The following BMP6 variants were observed in gnomAD, a reference collection of about 807,000 sequenced individuals.
The protein encoded by BMP6 is VG-1-R.
Under a neutral mutation model 54.1 loss-of-function variants are expected in BMP6, and 17 were observed. The observed-to-expected ratio is 0.31, with a 90% CI of 0.22 to 0.47. The LOEUF (loss-of-function observed/expected upper bound fraction) is 0.47. Ranked by LOEUF, BMP6 falls within the 20% of genes least tolerant of loss-of-function variation. The pLI is 1.00. For missense variants in BMP6, 720 were observed against 690.4 expected (o/e 1.04, Z -0.48); for synonymous variants, 328 against 291.2 (o/e 1.13, Z -1.28).
intron 1 of BMP6, among the ~76,000 whole-genome samples, chr6:7,840,728 C>G (rs761655788): frequency 6.6e-6 from 1 of 151,994 alleles, no homozygotes; most frequent in Admixed American, 6.6e-5. Flanking sequence ...TTAACAATGG[C>G]AAGCAGAAGA....
intron 4 of BMP6, among the ~76,000 whole-genome samples, chr6:7,878,531 G>C (rs1395380569): frequency 1.3e-5 from 2 of 152,228 alleles, no homozygotes; most frequent in Non-Finnish European, 2.9e-5. Context: ...TACAGCCAGA[G>C]AGAGCATTGC....
chr6:7,822,167 T>C (rs779243494), intron 1 of BMP6, among the ~76,000 whole-genome samples: 4 of 152,046 alleles, frequency 2.6e-5, no homozygotes, highest in Non-Finnish European at 5.9e-5. Context: ...GTTACAGTCA[T>C]GCGCCAGCAT....
intron 1 of BMP6, among the ~76,000 whole-genome samples, chr6:7,769,775 T>C (rs954359500): frequency 6.6e-6 from 1 of 152,252 alleles, no homozygotes; most frequent in African/African-American, 2.4e-5. Context: ...TCTTGAATTT[T>C]TGAGTCCTAC....
intron 1 of BMP6, among the ~76,000 whole-genome samples, chr6:7,778,666 A>G (rs1001899881): frequency 1.3e-5 from 2 of 152,236 alleles, no homozygotes; most frequent in African/African-American, 2.4e-5. Flanking sequence ...TTTCAGACCT[A>G]GAAAAGAGTT....
intron 4 of BMP6, among the ~76,000 whole-genome samples, chr6:7,863,684 C>T (rs1415367461): frequency 6.6e-6 from 1 of 152,162 alleles, no homozygotes; most frequent in Non-Finnish European, 1.5e-5. Flanking sequence ...GAGAGAGAAA[C>T]CAGCTCTGCT....
intron 1 of BMP6, among the ~76,000 whole-genome samples, chr6:7,806,193 C>A (rs1758345012): frequency 6.6e-6 from 1 of 152,262 alleles, no homozygotes; most frequent in Non-Finnish European, 1.5e-5. Flanking sequence ...CATCCTGAGA[C>A]TTTCCCTCAC....
intron 1 of BMP6, among the ~76,000 whole-genome samples, chr6:7,764,596 A>C (rs996410098): frequency 2.0e-5 from 3 of 152,158 alleles, no homozygotes; most frequent in African/African-American, 7.2e-5. Context: ...AGATTTCTGC[A>C]CCATGATGGA....
intron 1 of BMP6, among the ~76,000 whole-genome samples, chr6:7,799,024 G>T (rs1303839299): frequency 6.6e-6 from 1 of 152,148 alleles, no homozygotes; most frequent in Non-Finnish European, 1.5e-5. Context: ...ACCACATCAT[G>T]TACTGGTTTT....
intron 1 of BMP6, among the ~76,000 whole-genome samples, chr6:7,774,491 G>A (rs1429877178): frequency 6.6e-6 from 1 of 152,246 alleles, no homozygotes; most frequent in Non-Finnish European, 1.5e-5. Flanking sequence ...GGCAGAGGTT[G>A]CAGTGAGCCA....
intron 1 of BMP6, among the ~76,000 whole-genome samples, chr6:7,738,378 G>T (rs1468126557): frequency 6.6e-6 from 1 of 152,150 alleles, no homozygotes; most frequent in Non-Finnish European, 1.5e-5. Flanking sequence ...CAGCTGCTCT[G>T]CTCTTCTGTG....
At position 7,726,129 on chromosome 6, in the gene BMP6, G is replaced by A. The variant is rs1052530012; in HGVS notation, c.-827G>A. On this transcript the variant is annotated 5_prime_UTR_variant, in exon 1 of 7. Coordinates refer to ENST00000283147, the MANE Select transcript of BMP6 (RefSeq NM_001718.6). ...GCCCACGTTGGCCGCTGCGGGGAGC[G>A]CGGCGTGGAGAGGCGGGAGACCGAA... Among the ~76,000 whole-genome samples, 45 of 152,348 alleles carry A rather than the reference G, an allele frequency of 3.0e-4. No individual in the cohort carries two copies. The highest frequency in any genetic ancestry group is 1.0e-3 in the African/African-American group (43 of 41,582).
At chr6:7,815,232 C>T (rs544490469) in intron 1 of BMP6, among the ~76,000 whole-genome samples, 3 of 152,270 alleles carry the variant, frequency 2.0e-5, no homozygotes, top group African/African-American at 7.2e-5. Context: ...CAGACCTCTA[C>T]CGAGTGCTGT....
chr6:7,757,537 G>C (rs1023444015), intron 1 of BMP6, among the ~76,000 whole-genome samples: 1 of 152,100 alleles, frequency 6.6e-6, no homozygotes, highest in African/African-American at 2.4e-5. Flanking sequence ...ATATCAACAA[G>C]GATGCTATTT....
At chr6:7,824,271 C>G (rs1362078036) in intron 1 of BMP6, among the ~76,000 whole-genome samples, 2 of 152,198 alleles carry the variant, frequency 1.3e-5, no homozygotes, top group Non-Finnish European at 2.9e-5. Flanking sequence ...TCTAGACTTT[C>G]TGACTGGCCC....
At chr6:7,834,328 TCATCAGAGTGAC>T in intron 1 of BMP6, among the ~76,000 whole-genome samples, 3 of 122,678 alleles carry the variant, frequency 2.4e-5, no homozygotes, top group Non-Finnish European at 5.1e-5. Flanking sequence ...TCAGAGTGAA[TCATCAGAGTGAC>T]GGGAGAGTAA....
intron 1 of BMP6, among the ~76,000 whole-genome samples, chr6:7,823,545 G>A (rs759305725): frequency 6.6e-6 from 1 of 152,182 alleles, no homozygotes; most frequent in Non-Finnish European, 1.5e-5. Context: ...CCAATGCTAT[G>A]GAGACATGTA....
At chr6:7,849,000 A>G (rs6910239) in intron 2 of BMP6, among the ~76,000 whole-genome samples, 7,972 of 152,312 alleles carry the variant, frequency 0.052, 253 homozygotes, top group African/African-American at 0.088. Context: ...AGTATGGCAC[A>G]TACGAATTTT....
intron 1 of BMP6, among the ~76,000 whole-genome samples, chr6:7,754,362 G>A (rs1757477836): frequency 6.6e-6 from 1 of 152,132 alleles, no homozygotes; most frequent in Admixed American, 6.5e-5. Context: ...GCCCTCCTCG[G>A]CTTCCCAAAG....
At chr6:7,755,792 G>A (rs1223927121) in intron 1 of BMP6, among the ~76,000 whole-genome samples, 1 of 151,910 alleles carries the variant, frequency 6.6e-6, no homozygotes, top group Non-Finnish European at 1.5e-5. Flanking sequence ...CTGTGTTGTG[G>A]AAAGATATTC....
Sources: allele counts gnomAD v4.1 joint callset (sites outside exome capture counted in the v4.1 genomes callset), GRCh38; gene constraint gnomAD v4.1.1; transcripts MANE v1.5; gene names NCBI Gene and HGNC (gene_info 2026-07-23, HGNC 2026-07-21).